STAM: variants seen among roughly 807,000 people sequenced by gnomAD.
The protein encoded by STAM is signal transducing adapter molecule 1.
A neutral mutation model predicts 63.4 loss-of-function variants in STAM; 16 were observed. The observed-to-expected ratio is 0.25, with a 90% CI of 0.17 to 0.38. The LOEUF (loss-of-function observed/expected upper bound fraction) is 0.38, where lower values mean the gene tolerates loss of function less well. Ranked by LOEUF, STAM falls within the 10% of genes least tolerant of loss-of-function variation. The pLI is 1.00. For synonymous variants in STAM, 238 were observed against 223.9 expected (o/e 1.06, Z -0.56); for missense variants, 636 against 657.1 (o/e 0.97, Z 0.35).
chr10:17,646,906 C>G (rs1833541855), intron 1 of STAM, among the ~76,000 whole-genome samples: 2 of 152,204 alleles, frequency 1.3e-5, no homozygotes, highest in Non-Finnish European at 2.9e-5. Context: ...TCACTTAACA[C>G]TCGTATACAT....
chr10:17,652,227 G>A (rs1415369598), intron 1 of STAM, among the ~76,000 whole-genome samples: 2 of 151,790 alleles, frequency 1.3e-5, no homozygotes, highest in Non-Finnish European at 2.9e-5. Context: ...CATGTTGTAG[G>A]TAGTTTATAT....
chr10:17,649,753 TG>T lies in STAM; in HGVS notation c.40+5376del, dbSNP rs564225255. Among the ~76,000 whole-genome samples the T allele has an allele frequency of 5.6e-4, 85 of 152,308 alleles. 1 individual carries two copies. The highest frequency in any genetic ancestry group is 2.9e-3 in the Admixed American group (44 of 15,306). On this transcript the variant is annotated intron_variant, in intron 1 of 13. Coordinates refer to ENST00000377524, the MANE Select transcript of STAM (RefSeq NM_003473.4). ...TAAGTCTGGCTCTTCATTCATTATT[TG>T]GTAACATTTTTGTTTGTTTTTAAAT...
At chr10:17,689,255 G>A (rs1835431089) in intron 5 of STAM, among the ~76,000 whole-genome samples, 1 of 152,202 alleles carries the variant, frequency 6.6e-6, no homozygotes. Flanking sequence ...TTTATTGACT[G>A]GGACAGACTG....
chr10:17,681,222 G>T (rs1835074648), intron 2 of STAM, among the ~76,000 whole-genome samples: 1 of 141,128 alleles, frequency 7.1e-6, no homozygotes, highest in Non-Finnish European at 1.5e-5. Flanking sequence ...TTTTAATGTA[G>T]GTGCTTATAG....
At chr10:17,666,952 T>C (rs1270070389) in intron 2 of STAM, among the ~76,000 whole-genome samples, 1 of 152,196 alleles carries the variant, frequency 6.6e-6, no homozygotes, top group Non-Finnish European at 1.5e-5. Context: ...TCGTCACTTA[T>C]TGACTACTTA....
intron 2 of STAM, among the ~76,000 whole-genome samples, chr10:17,663,898 A>G (rs61842289): frequency 0.024 from 3,705 of 152,188 alleles, 47 homozygotes; most frequent in Middle Eastern, 0.027. Flanking sequence ...AATGGTAAAC[A>G]TAAGGGTCAT....
chr10:17,649,435 C>T (rs184201786), intron 1 of STAM, among the ~76,000 whole-genome samples: 1 of 151,462 alleles, frequency 6.6e-6, no homozygotes, highest in East Asian at 1.9e-4. Flanking sequence ...CATCTTTACC[C>T]TCTCACTCTG....
At chr10:17,683,363 T>C (rs1835164537) in intron 2 of STAM, among the ~76,000 whole-genome samples, 1 of 152,154 alleles carries the variant, frequency 6.6e-6, no homozygotes, top group Non-Finnish European at 1.5e-5. Flanking sequence ...GGTTTCACAG[T>C]GTTGCCCAGG....
intron 12 of STAM, among the ~76,000 whole-genome samples, chr10:17,707,942 G>A (rs943275390): frequency 6.6e-6 from 1 of 151,602 alleles, no homozygotes; most frequent in African/African-American, 2.4e-5. Context: ...CCAGGCTGGA[G>A]TGCAGTGGCG....
At chr10:17,685,003 G>A (rs1835238156) in intron 4 of STAM, 76 bp downstream of exon 4, 1 of 1,220,702 alleles carries the variant, frequency 8.2e-7, no homozygotes, top group East Asian at 2.4e-5. Context: ...AATCTTCACA[G>A]AGGACTATTC....
chr10:17,654,872 A>G (rs533659272), intron 1 of STAM, among the ~76,000 whole-genome samples: 2 of 152,262 alleles, frequency 1.3e-5, no homozygotes, highest in African/African-American at 4.8e-5. Flanking sequence ...AACACCTGAG[A>G]TAGTATTTTA....
At chr10:17,710,526 T>G (rs550655885) in intron 13 of STAM, among the ~76,000 whole-genome samples, 1 of 152,360 alleles carries the variant, frequency 6.6e-6, no homozygotes, top group African/African-American at 2.4e-5. Context: ...CTGCATATTC[T>G]TTAGTTGTTA....
chr10:17,674,486 C>T (rs984347223), intron 2 of STAM, among the ~76,000 whole-genome samples: 2 of 152,174 alleles, frequency 1.3e-5, no homozygotes, highest in African/African-American at 4.8e-5. Flanking sequence ...CACCTGGGAC[C>T]TCACCTGGCT....
At chr10:17,687,219 A>G (rs1487223796) in intron 4 of STAM, among the ~76,000 whole-genome samples, 1 of 152,204 alleles carries the variant, frequency 6.6e-6, no homozygotes, top group Non-Finnish European at 1.5e-5. Flanking sequence ...TCATGCCTGT[A>G]ATCGCAGCAC....
chr10:17,677,725 A>G (rs1834912620), intron 2 of STAM, among the ~76,000 whole-genome samples: 1 of 152,258 alleles, frequency 6.6e-6, no homozygotes, highest in African/African-American at 2.4e-5. Flanking sequence ...ATAGACATTC[A>G]GTCAATATTA....
Position 17,681,134 on chromosome 10 carries a change from C to G in STAM, c.126-3541C>G, listed in dbSNP as rs61842305. Among the ~76,000 whole-genome samples the G allele has an allele frequency of 8.9e-3, 1,356 of 151,574 alleles. 21 individuals carry two copies. The highest frequency in any genetic ancestry group is 0.031 in the African/African-American group (1,275 of 41,374). ...TTCTCCACATCTTTGTCAACACTTA[C>G]CATTTTTTCTGTTTTTCTTTATAGT... On this transcript the variant is annotated intron_variant, in intron 2 of 13. Transcript: ENST00000377524.
In STAM at chr10:17,684,105, C is replaced by T. The variant is rs782686337; in HGVS notation, c.126-570C>T. 1.8e-4 allele frequency among the ~76,000 whole-genome samples: 28 copies of T among 152,168 alleles called. 1 individual carries two copies. Among genetic ancestry groups the T allele is most frequent in the Admixed American group, 1.8e-3 (27 of 15,264 alleles). ...AGCGTTGGATCTCTTTAGCATATCG[C>T]CCTCGGTCACTTTTTGACCAGTTTC... is the stretch of plus-strand genomic sequence containing the variant. On this transcript the variant is annotated intron_variant, in intron 2 of 13. Transcript: ENST00000377524.
chr10:17,699,702 C>T (rs1835908095), intron 8 of STAM, among the ~76,000 whole-genome samples: 1 of 152,202 alleles, frequency 6.6e-6, no homozygotes, highest in Non-Finnish European at 1.5e-5. Context: ...CGTGGCACGC[C>T]AGATAATACA....
intron 1 of STAM, among the ~76,000 whole-genome samples, chr10:17,654,678 T>A (rs1244587779): frequency 1.3e-5 from 2 of 152,178 alleles, no homozygotes; most frequent in African/African-American, 2.4e-5. Context: ...TTCAAGGGAT[T>A]TACAATATAT....
Sources: allele counts gnomAD v4.1 joint callset (sites outside exome capture counted in the v4.1 genomes callset), GRCh38; gene constraint gnomAD v4.1.1; transcripts MANE v1.5; gene names NCBI Gene and HGNC (gene_info 2026-07-23, HGNC 2026-07-21).